The following ERG variants were observed in gnomAD, a reference collection of about 807,000 sequenced individuals.
The protein encoded by ERG is ETS transcription factor ERG, also known as transcriptional regulator ERG.
In ERG, 9 loss-of-function variants were observed where a neutral mutation model predicts 55.3. That is an observed-to-expected ratio of 0.16 (90% CI 0.10 to 0.28). The LOEUF (loss-of-function observed/expected upper bound fraction) is 0.28. ERG is among the 10% of genes least tolerant of loss of function. ERG has a pLI of 1.00. For missense variants in ERG, 434 were observed against 631.6 expected, an observed-to-expected ratio of 0.69 and a Z score of 3.35; for synonymous variants, 223 against 237.3, an observed-to-expected ratio of 0.94 and a Z score of 0.55.
At chr21:38,494,698 A>G (rs1379482956) in intron 1 of ERG, among the ~76,000 whole-genome samples, 1 of 152,252 alleles carries the variant, frequency 6.6e-6, no homozygotes, top group Non-Finnish European at 1.5e-5. Flanking sequence ...GGCTCAGCAC[A>G]TTGTCTGAGA....
At chr21:38,490,613 G>T (rs1189202921) in intron 1 of ERG, among the ~76,000 whole-genome samples, 4 of 152,226 alleles carry the variant, frequency 2.6e-5, no homozygotes, top group Admixed American at 6.5e-5. Context: ...ATCCGATAGG[G>T]GCACTGCTGT....
intron 9 of ERG, among the ~76,000 whole-genome samples, chr21:38,386,382 C>T (rs539813006): frequency 6.6e-6 from 1 of 152,140 alleles, no homozygotes; most frequent in Non-Finnish European, 1.5e-5. Flanking sequence ...ATGTCAAACT[C>T]ATTAATTGTT....
At chr21:38,446,253 A>T (rs1601414462) in intron 1 of ERG, among the ~76,000 whole-genome samples, 1 of 118,228 alleles carries the variant, frequency 8.5e-6, no homozygotes, top group Non-Finnish European at 1.7e-5. Context: ...AAAAAAAAAA[A>T]GCTGTGAAGT....
At chr21:38,508,924 CAGCCACCATACGGGGAGAA>C (rs2059490289) in intron 2 of ERG, among the ~76,000 whole-genome samples, 1 of 152,190 alleles carries the variant, frequency 6.6e-6, no homozygotes, top group Non-Finnish European at 1.5e-5. Context: ...TCTTAAACCT[CAGCCACCATACGGGGAGAA>C]AGCCCAAGCC....
chr21:38,406,557 C>G lies in ERG; in HGVS notation c.389-2848G>C, dbSNP rs534297208. On this transcript the variant is annotated intron_variant, in intron 3 of 9. Coordinates refer to ENST00000288319, the MANE Select transcript of ERG (RefSeq NM_182918.4). ...CAGCCCTCACAGAGAGAAGACCCCC[C>G]ATCCTACCCAAGTCATTCCCTGTAA... Among the ~76,000 whole-genome samples, 3 of 152,298 alleles carry G rather than the reference C, an allele frequency of 2.0e-5. No individual in the cohort carries two copies. The East Asian group carries it at 5.8e-4, about 29-fold the overall frequency.
At chr21:38,386,784 G>T (rs1987708464) in intron 9 of ERG, among the ~76,000 whole-genome samples, 1 of 138,156 alleles carries the variant, frequency 7.2e-6, no homozygotes, top group South Asian at 2.5e-4. Context: ...AAACCCTTCA[G>T]ATCTATTTTT....
chr21:38,522,968 T>C (rs2059605372), intron 2 of ERG, among the ~76,000 whole-genome samples: 1 of 152,148 alleles, frequency 6.6e-6, no homozygotes, highest in Non-Finnish European at 1.5e-5. Context: ...ATAAAATATG[T>C]TTGGGGAAGA....
intron 1 of ERG, among the ~76,000 whole-genome samples, chr21:38,456,080 C>A (rs1456938975): frequency 6.6e-6 from 1 of 152,134 alleles, no homozygotes; most frequent in Non-Finnish European, 1.5e-5. Flanking sequence ...CATTTTGCAC[C>A]AAAATGAGAT....
intron 3 of ERG, among the ~76,000 whole-genome samples, chr21:38,422,933 A>G (rs930690034): frequency 6.6e-6 from 1 of 152,214 alleles, no homozygotes; most frequent in Non-Finnish European, 1.5e-5. Flanking sequence ...AGGACAGGAT[A>G]TTTGGAACAA....
At chr21:38,409,514 C>G (rs958274588) in intron 3 of ERG, among the ~76,000 whole-genome samples, 1 of 125,766 alleles carries the variant, frequency 8.0e-6, no homozygotes, top group African/African-American at 3.1e-5. Context: ...AAAAAAAAGA[C>G]TCCGTGATCC....
At chr21:38,634,702 T>G (rs751978340) in intron 1 of ERG, among the ~76,000 whole-genome samples, 4 of 152,210 alleles carry the variant, frequency 2.6e-5, no homozygotes, top group Non-Finnish European at 5.9e-5. Flanking sequence ...CTATAATGAA[T>G]CTGTAACACT....
intron 2 of ERG, among the ~76,000 whole-genome samples, chr21:38,545,777 A>G (rs1673970154): frequency 6.6e-6 from 1 of 152,194 alleles, no homozygotes; most frequent in African/African-American, 2.4e-5. Context: ...CTTTCATGAC[A>G]TGACCACATC....
At chr21:38,506,493 T>C (rs563189298) in intron 2 of ERG, among the ~76,000 whole-genome samples, 2 of 152,356 alleles carry the variant, frequency 1.3e-5, no homozygotes, top group South Asian at 4.1e-4. Context: ...ATAGCACTTC[T>C]AAAAATGGTA....
At chr21:38,544,434 C>T (rs1052637886) in intron 2 of ERG, among the ~76,000 whole-genome samples, 4 of 152,110 alleles carry the variant, frequency 2.6e-5, no homozygotes, top group Admixed American at 6.5e-5. Context: ...CACAGGATCA[C>T]GGTGACTTGG....
At chr21:38,545,270 G>A (rs980574457) in intron 2 of ERG, among the ~76,000 whole-genome samples, 2 of 152,096 alleles carry the variant, frequency 1.3e-5, no homozygotes, top group African/African-American at 4.8e-5. Flanking sequence ...GCCATAAAAT[G>A]TAAGTTCTTT....
At chr21:38,402,710 T>TAAAAA in intron 4 of ERG, 73 bp from the exon 5 acceptor site, 1 of 365,720 alleles carries the variant, frequency 2.7e-6, no homozygotes, top group Non-Finnish European at 3.8e-6. Context: ...TTACCTTTCT[T>TAAAAA]ACAAAAAAAA....
At chr21:38,620,853 A>G (rs747574469) in intron 1 of ERG, among the ~76,000 whole-genome samples, 14 of 152,236 alleles carry the variant, frequency 9.2e-5, no homozygotes, top group Non-Finnish European at 1.8e-4. Context: ...AAAATCTTGG[A>G]AAGTAGAATC....
chr21:38,605,211 T>C (rs1298272720), intron 1 of ERG, among the ~76,000 whole-genome samples: 1 of 152,168 alleles, frequency 6.6e-6, no homozygotes. Context: ...AATACAAAAT[T>C]ATATTAAAAA....
chr21:38,449,083 T>C (rs1263340789), intron 1 of ERG: 1 of 152,262 alleles, frequency 6.6e-6, no homozygotes, highest in African/African-American at 2.4e-5. Context: ...TAGATTGTTA[T>C]TGCAGAAACT....
Sources: gnomAD v4.1 joint callset for allele counts (sites outside exome capture counted in the v4.1 genomes callset) on GRCh38, gnomAD v4.1.1 for gene constraint, MANE v1.5 for transcripts, NCBI Gene and HGNC (gene_info 2026-07-23, HGNC 2026-07-21) for gene names.